MAGI1: variants seen among roughly 807,000 people sequenced by gnomAD.
MAGI1 encodes the protein membrane-associated guanylate kinase, WW and PDZ domain-containing protein 1.
In MAGI1, 58 loss-of-function variants were observed where a neutral mutation model predicts 139.9. That is an observed-to-expected ratio of 0.41 (90% CI 0.34 to 0.52). The LOEUF is 0.52. Among genes scored for constraint, MAGI1 ranks in the 20% least tolerant of loss-of-function variants. The pLI, the probability that MAGI1 is intolerant of heterozygous loss-of-function variation, is 0.12. For synonymous variants in MAGI1, 812 were observed against 737.9 expected, an observed-to-expected ratio of 1.10 and a Z score of -1.63; for missense variants, 1,874 against 1,901.6, an observed-to-expected ratio of 0.99 and a Z score of 0.27.
chr3:65,859,728 CAA>C (rs113269901), intron 1 of MAGI1, among the ~76,000 whole-genome samples: 5 of 138,450 alleles, frequency 3.6e-5, no homozygotes, highest in African/African-American at 5.3e-5. Flanking sequence ...CTCAAAAAAA[CAA>C]AAAAAAAAAA....
intron 1 of MAGI1, among the ~76,000 whole-genome samples, chr3:65,659,373 A>C (rs2086063632): frequency 6.6e-6 from 1 of 152,242 alleles, no homozygotes; most frequent in African/African-American, 2.4e-5. Context: ...GCATGGACCA[A>C]GCTGGCTAAT....
intron 1 of MAGI1, among the ~76,000 whole-genome samples, chr3:65,669,612 G>A (rs1376875667): frequency 6.6e-6 from 1 of 152,146 alleles, no homozygotes; most frequent in Non-Finnish European, 1.5e-5. Flanking sequence ...TGCTTTGATT[G>A]TGTTTTGTCT....
In MAGI1 at chr3:65,391,247, G is replaced by A. The variant is rs1261852474; in HGVS notation, c.2311C>T (p.Pro771Ser). ...TCTGGAGCTTGGGCCTCTGCAGGTG[G>A]GAACTCGGGGAGCACCTGTGTGCTG... ...SHSTQVLPEF[P>S]PAEAQAPDQT... Residue 771 changes from proline to serine, a missense_variant, in exon 14 of 23, where the codon CCA becomes TCA. Pro to Ser is a moderately conservative substitution (Grantham distance 74). This residue lies in a region of MAGI1 where 482 missense variants were observed against 509.6 expected (regional missense o/e 0.95). Transcript: ENST00000402939. 1.2e-6 allele frequency: 2 copies of A among 1,614,150 alleles called. No individual in the cohort carries two copies. The highest frequency in any genetic ancestry group is 2.2e-5 in the South Asian group (2 of 91,068).
chr3:65,941,210 G>T (rs1010182588), intron 1 of MAGI1, among the ~76,000 whole-genome samples: 1 of 152,064 alleles, frequency 6.6e-6, no homozygotes, highest in Non-Finnish European at 1.5e-5. Context: ...AGCTGAGCAT[G>T]GTAGCAGGTG....
chr3:65,816,957 G>T (rs185437156), intron 1 of MAGI1, among the ~76,000 whole-genome samples: 48 of 152,282 alleles, frequency 3.2e-4, no homozygotes, highest in Admixed American at 3.1e-3. Flanking sequence ...ATAATTTAAT[G>T]ATAGCGGAAT....
At chr3:65,501,049 C>T (rs925025543) in intron 2 of MAGI1, among the ~76,000 whole-genome samples, 2 of 152,174 alleles carry the variant, frequency 1.3e-5, no homozygotes, top group Non-Finnish European at 1.5e-5. Context: ...CAGTTACCTA[C>T]CTCTCACACA....
chr3:65,934,251 A>G (rs1042945456), intron 1 of MAGI1, among the ~76,000 whole-genome samples: 2 of 143,032 alleles, frequency 1.4e-5, no homozygotes, highest in African/African-American at 2.6e-5. Flanking sequence ...TTTTTTTAAT[A>G]TATTTTACCA....
chr3:65,938,960 T>C (rs2063183828), intron 1 of MAGI1, among the ~76,000 whole-genome samples: 1 of 152,202 alleles, frequency 6.6e-6, no homozygotes, highest in South Asian at 2.1e-4. Context: ...TCTGATGCTA[T>C]ATCCTGTCCT....
At chr3:65,389,472 G>A (rs1320841957) in intron 14 of MAGI1, among the ~76,000 whole-genome samples, 2 of 152,134 alleles carry the variant, frequency 1.3e-5, no homozygotes, top group East Asian at 1.9e-4. Flanking sequence ...GCAGGAGTTC[G>A]GTCAATAAAG....
chr3:65,900,505 T>A (rs1014093055), intron 1 of MAGI1, among the ~76,000 whole-genome samples: 2 of 152,210 alleles, frequency 1.3e-5, no homozygotes, highest in Non-Finnish European at 2.9e-5. Flanking sequence ...CATAATATAC[T>A]AGTACAGAAT....
chr3:65,673,920 T>A (rs2087015380), intron 1 of MAGI1, among the ~76,000 whole-genome samples: 1 of 152,182 alleles, frequency 6.6e-6, no homozygotes, highest in East Asian at 1.9e-4. Flanking sequence ...AATGGAGGAA[T>A]GCCTTCTATT....
intron 2 of MAGI1, among the ~76,000 whole-genome samples, chr3:65,516,694 G>A (rs187046094): frequency 5.0e-5 from 7 of 141,220 alleles, no homozygotes; most frequent in African/African-American, 7.7e-5. Context: ...GAGGATTTGG[G>A]AAGAAACATA....
In MAGI1 at chr3:65,375,947, T is replaced by G. The variant is rs1312871736; in HGVS notation, c.2996-2A>C. ...GAGGCATAGCCACACATGCATTGCCTGCTTTGATATTGAGTTTTAATTTTT... is the reference window on the plus strand; with the variant it reads ...GAGGCATAGCCACACATGCATTGCCGGCTTTGATATTGAGTTTTAATTTTT... On this transcript the variant is annotated splice_acceptor_variant, in intron 17 of 22. Transcript: ENST00000402939. LOFTEE classifies it high-confidence loss of function. 3 of 1,610,626 alleles carry G rather than the reference T, an allele frequency of 1.9e-6. No homozygotes were observed. The East Asian group carries it at 6.7e-5, about 36-fold the overall frequency.
chr3:65,960,256 G>T (rs1054368131), intron 1 of MAGI1, among the ~76,000 whole-genome samples: 1 of 152,038 alleles, frequency 6.6e-6, no homozygotes, highest in African/African-American at 2.4e-5. Flanking sequence ...TTTGAGCCTA[G>T]ATTCCTCATG....
rs536185859 is a variant in MAGI1 at position 65,536,166 on chromosome 3, T to A, written c.431-42535A>T. 3.3e-5 allele frequency among the ~76,000 whole-genome samples: 5 copies of A among 152,366 alleles called. No homozygotes were observed. In the East Asian group the frequency reaches 9.6e-4, roughly 29 times the overall value. On this transcript the variant is annotated intron_variant, in intron 2 of 22. Transcript: ENST00000402939. ...GTTGATTTGGTGTCTGTTACATACA[T>A]ATATACTGATGTTTCCCTGTATATT...
chr3:65,977,368 C>T (rs777623262), intron 1 of MAGI1, among the ~76,000 whole-genome samples: 35 of 152,060 alleles, frequency 2.3e-4, no homozygotes, highest in Non-Finnish European at 4.3e-4. Flanking sequence ...ACAGCGTATT[C>T]GAAACCAGAT....
intron 14 of MAGI1, among the ~76,000 whole-genome samples, chr3:65,387,433 C>T (rs533494091): frequency 6.6e-6 from 1 of 150,650 alleles, no homozygotes; most frequent in East Asian, 2.0e-4. Context: ...GTAGAATTTA[C>T]AATTGCACCA....
intron 1 of MAGI1, among the ~76,000 whole-genome samples, chr3:65,803,808 G>A (rs758369915): frequency 3.3e-5 from 5 of 152,062 alleles, no homozygotes; most frequent in Non-Finnish European, 7.4e-5. Context: ...TATTGGTGCT[G>A]GAGGCCATTA....
chr3:65,388,705 G>T (rs1442999392), intron 14 of MAGI1, among the ~76,000 whole-genome samples: 1 of 151,894 alleles, frequency 6.6e-6, no homozygotes, highest in Non-Finnish European at 1.5e-5. Context: ...CATCAATTAG[G>T]TTGCTACTAT....
Sources: allele counts gnomAD v4.1 joint callset (sites outside exome capture counted in the v4.1 genomes callset), GRCh38; gene constraint gnomAD v4.1.1; regional missense constraint gnomAD v4.1.1; transcripts MANE v1.5; gene names NCBI Gene and HGNC (gene_info 2026-07-23, HGNC 2026-07-21).